KITLG: variants seen among roughly 807,000 people sequenced by gnomAD.
KITLG encodes the protein KIT ligand.
In KITLG, 13 loss-of-function variants were observed where a neutral mutation model predicts 34.1. The ratio of observed to expected loss-of-function variants is 0.38; its 90% CI spans 0.25 to 0.61. The LOEUF (loss-of-function observed/expected upper bound fraction) is 0.61. Among genes scored for constraint, KITLG ranks in the 20% least tolerant of loss-of-function variants. The pLI, the probability that KITLG is intolerant of heterozygous loss-of-function variation, is 0.60. For missense variants in KITLG, 292 were observed against 318.9 expected, an observed-to-expected ratio of 0.92 and a Z score of 0.64; for synonymous variants, 110 against 104.0, an observed-to-expected ratio of 1.06 and a Z score of -0.35.
intron 6 of KITLG, among the ~76,000 whole-genome samples, chr12:88,509,619 G>C (rs760767941): frequency 2.6e-5 from 4 of 152,154 alleles, no homozygotes; most frequent in Non-Finnish European, 4.4e-5. Flanking sequence ...AGCAAAGACT[G>C]GATGGCGGGG....
intron 4 of KITLG, among the ~76,000 whole-genome samples, chr12:88,518,282 A>G (rs1726380061): frequency 6.6e-6 from 1 of 152,174 alleles, no homozygotes; most frequent in African/African-American, 2.4e-5. Flanking sequence ...GACTTTGAGG[A>G]GCCAAAATGT....
In KITLG at chr12:88,506,512, A is replaced by C. The variant is rs551569991; in HGVS notation, c.715-134T>G. ...GTTTTTTCAGCATGTAGCATGCAAA[A>C]TATCTTTGTAATAAAAAATTATGAA... On this transcript the variant is annotated intron_variant, in intron 7 of 9. Transcript: ENST00000644744. 20 of 703,612 alleles carry C rather than the reference A, an allele frequency of 2.8e-5. No homozygotes were observed. The East Asian group carries it at 4.6e-4, about 16-fold the overall frequency. The allele number at this position is 703,612 out of a possible 1,614,324, so 43.6% of individuals were successfully genotyped here.
chr12:88,564,294 G>T (rs1188062224), intron 1 of KITLG: 1 of 152,182 alleles, frequency 6.6e-6, no homozygotes, highest in Non-Finnish European at 1.5e-5. Context: ...GGGAGAGTGG[G>T]TAACCATTTC....
chr12:88,576,697 A>C (rs1002216343), intron 1 of KITLG, among the ~76,000 whole-genome samples: 5 of 152,184 alleles, frequency 3.3e-5, no homozygotes, highest in Admixed American at 6.5e-5. Flanking sequence ...AGAACCTAGA[A>C]TCCTTCTACC....
chr12:88,541,174 C>G (rs1870505332), intron 2 of KITLG, among the ~76,000 whole-genome samples: 1 of 152,122 alleles, frequency 6.6e-6, no homozygotes, highest in Non-Finnish European at 1.5e-5. Flanking sequence ...TTTATAATCT[C>G]TCATTACGAT....
At chr12:88,516,261 G>A in intron 5 of KITLG, 73 bp downstream of exon 5, 1 of 1,274,810 alleles carries the variant, frequency 7.8e-7, no homozygotes, top group East Asian at 2.3e-5. Context: ...TAACACAGAG[G>A]TAGATTCTTA....
intron 1 of KITLG, among the ~76,000 whole-genome samples, chr12:88,575,602 C>G (rs768222919): frequency 6.6e-6 from 1 of 152,126 alleles, no homozygotes; most frequent in Non-Finnish European, 1.5e-5. Flanking sequence ...AGAGCCTATA[C>G]AAAACAACCC....
At chr12:88,577,564 A>T (rs998661414) in intron 1 of KITLG, among the ~76,000 whole-genome samples, 1 of 152,194 alleles carries the variant, frequency 6.6e-6, no homozygotes, top group Non-Finnish European at 1.5e-5. Flanking sequence ...ATTGAAAGAG[A>T]TGTTTTTTCT....
intron 1 of KITLG, among the ~76,000 whole-genome samples, chr12:88,573,340 T>A (rs1019261169): frequency 6.6e-6 from 1 of 152,140 alleles, no homozygotes; most frequent in African/African-American, 2.4e-5. Flanking sequence ...CCAAGGCAGT[T>A]GTTTGGGAAG....
At chr12:88,573,887 A>T (rs969642545) in intron 1 of KITLG, among the ~76,000 whole-genome samples, 2 of 152,108 alleles carry the variant, frequency 1.3e-5, no homozygotes, top group Non-Finnish European at 2.9e-5. Flanking sequence ...GCAACAGACA[A>T]AGTTTGAGCT....
At chr12:88,529,729 G>A (rs1307602026) in intron 3 of KITLG, among the ~76,000 whole-genome samples, 2 of 152,096 alleles carry the variant, frequency 1.3e-5, no homozygotes, top group African/African-American at 2.4e-5. Flanking sequence ...CTGACCACTC[G>A]CAAATAATCA....
chr12:88,556,218 CAAA>C (rs5799868), intron 1 of KITLG, among the ~76,000 whole-genome samples: 1 of 125,028 alleles, frequency 8.0e-6, no homozygotes, highest in African/African-American at 3.5e-5. Context: ...AAAGAATAAG[CAAA>C]AAAAAAAAAA....
chr12:88,526,850 A>G (rs1869886907), intron 3 of KITLG, among the ~76,000 whole-genome samples: 1 of 149,260 alleles, frequency 6.7e-6, no homozygotes, highest in Non-Finnish European at 1.5e-5. Flanking sequence ...GAAAGGTGCC[A>G]GATCAGTATA....
chr12:88,509,806 T>G (rs927523191), intron 6 of KITLG, among the ~76,000 whole-genome samples: 2 of 152,154 alleles, frequency 1.3e-5, no homozygotes, highest in African/African-American at 4.8e-5. Context: ...AAAAAGAACT[T>G]TATCAGAAGA....
intron 1 of KITLG, among the ~76,000 whole-genome samples, chr12:88,566,114 C>G (rs1259738240): frequency 6.6e-6 from 1 of 152,138 alleles, no homozygotes; most frequent in African/African-American, 2.4e-5. Context: ...TTCTCTTCTA[C>G]CACCCAAAGT....
At chr12:88,578,649 T>A (rs1242450237) in intron 1 of KITLG, among the ~76,000 whole-genome samples, 2 of 152,198 alleles carry the variant, frequency 1.3e-5, no homozygotes, top group Non-Finnish European at 2.9e-5. Flanking sequence ...CAAAGTGACT[T>A]GATAGTACAT....
chr12:88,552,675 G>A (rs1870958409), intron 1 of KITLG, among the ~76,000 whole-genome samples: 1 of 152,086 alleles, frequency 6.6e-6, no homozygotes, highest in East Asian at 1.9e-4. Flanking sequence ...TTTAAGCAGA[G>A]CAGCTCAGCT....
At position 88,515,526 on chromosome 12, in the gene KITLG, GTACT is replaced by G; in HGVS notation, c.604+4_604+7del. 6.3e-7 allele frequency: 1 copy of G among 1,579,108 alleles called. No individual in the cohort carries two copies. Among genetic ancestry groups the G allele is most frequent in the Non-Finnish European group, 8.7e-7 (1 of 1,148,922 alleles). ...CATGCATGCATTAAATCAGATATATGTACTTACTATTACTGCTACTGCTGTCATT... is the reference window on the plus strand; with the variant it reads ...CATGCATGCATTAAATCAGATATATGTACTATTACTGCTACTGCTGTCATT... On this transcript the variant is annotated splice_donor_5th_base_variant and intron_variant, in intron 6 of 9. Transcript: ENST00000644744.
intron 1 of KITLG, chr12:88,579,946 T>C (rs767934655): frequency 3.1e-5 from 17 of 546,572 alleles, no homozygotes; most frequent in Non-Finnish European, 3.6e-5. Flanking sequence ...CGTGATAACT[T>C]AACATTCCAT....
Sources: allele counts gnomAD v4.1 joint callset (sites outside exome capture counted in the v4.1 genomes callset), GRCh38; gene constraint gnomAD v4.1.1; transcripts MANE v1.5; gene names NCBI Gene and HGNC (gene_info 2026-07-23, HGNC 2026-07-21).